CECR2: variants seen among roughly 807,000 people sequenced by gnomAD.
CECR2 encodes the protein CECR2 histone acetyl-lysine reader.
Under a neutral mutation model 154.5 loss-of-function variants are expected in CECR2, and 30 were observed. The ratio of observed to expected loss-of-function variants is 0.19; its 90% confidence interval spans 0.15 to 0.26. CECR2 has a LOEUF of 0.26. Among genes scored for constraint, CECR2 ranks in the 10% least tolerant of loss-of-function variants. CECR2 has a pLI of 1.00. For missense variants in CECR2, 1,743 were observed against 1,829.3 expected, an observed-to-expected ratio of 0.95 and a Z score of 0.86; for synonymous variants, 725 against 683.7, an observed-to-expected ratio of 1.06 and a Z score of -0.94.
chr22:17,382,149 C>A (rs536956514), intron 1 of CECR2, among the ~76,000 whole-genome samples: 4 of 152,096 alleles, frequency 2.6e-5, no homozygotes, highest in Non-Finnish European at 4.4e-5. Context: ...CTTGGCCTCC[C>A]AAAGTGCTGG....
At chr22:17,480,089 C>T (rs1390823486) in intron 2 of CECR2, among the ~76,000 whole-genome samples, 2 of 152,054 alleles carry the variant, frequency 1.3e-5, no homozygotes, top group African/African-American at 4.8e-5. Flanking sequence ...TAATAGAATA[C>T]CGTATCCCTG....
At chr22:17,499,621 C>T (rs2055698862) in intron 4 of CECR2, 72 bp downstream of exon 4, 1 of 1,432,164 alleles carries the variant, frequency 7.0e-7, no homozygotes, top group Admixed American at 2.6e-5. Flanking sequence ...CATCAGAATT[C>T]TACAGCACAA....
chr22:17,488,551 A>G (rs1381438895), intron 2 of CECR2, among the ~76,000 whole-genome samples: 1 of 152,212 alleles, frequency 6.6e-6, no homozygotes, highest in East Asian at 1.9e-4. Context: ...GGGATCACAC[A>G]GTGTGAAATG....
chr22:17,401,022 C>T (rs1046593575), intron 1 of CECR2, among the ~76,000 whole-genome samples: 2 of 152,136 alleles, frequency 1.3e-5, no homozygotes, highest in African/African-American at 4.8e-5. Context: ...CTGCCTTGGC[C>T]TTCCAAAGTG....
intron 2 of CECR2, among the ~76,000 whole-genome samples, chr22:17,480,036 A>G (rs748498000): frequency 3.3e-5 from 5 of 152,074 alleles, no homozygotes; most frequent in Non-Finnish European, 7.4e-5. Context: ...CTGGGATTAC[A>G]GGTGTGAGCC....
At chr22:17,410,248 G>C (rs1247297489) in intron 1 of CECR2, among the ~76,000 whole-genome samples, 1 of 151,892 alleles carries the variant, frequency 6.6e-6, no homozygotes, top group Non-Finnish European at 1.5e-5. Flanking sequence ...CAGAGTGCTG[G>C]GATTACAGAC....
chr22:17,361,574 G>A (rs997070379), intron 1 of CECR2, among the ~76,000 whole-genome samples: 9 of 151,370 alleles, frequency 5.9e-5, no homozygotes, highest in African/African-American at 2.2e-4. Flanking sequence ...AGTATAATCT[G>A]CTAAAAATAT....
chr22:17,378,070 G>GT (rs1174993879), intron 1 of CECR2, among the ~76,000 whole-genome samples: 2 of 151,256 alleles, frequency 1.3e-5, no homozygotes, highest in Non-Finnish European at 3.0e-5. Flanking sequence ...TGCAACCTCC[G>GT]CCCCCCGGGT....
chr22:17,533,035 C>T (rs73159561), intron 9 of CECR2, among the ~76,000 whole-genome samples: 6,783 of 151,698 alleles, frequency 0.045, 339 homozygotes, highest in African/African-American at 0.12. Flanking sequence ...TAGCATGACC[C>T]GGCCAGGCGC....
At chr22:17,472,083 A>G (rs1293385358) in intron 1 of CECR2, among the ~76,000 whole-genome samples, 1 of 152,144 alleles carries the variant, frequency 6.6e-6, no homozygotes, top group Non-Finnish European at 1.5e-5. Flanking sequence ...GTTTGATGCA[A>G]GGCTGAGAGG....
Position 17,510,467 on chromosome 22 carries a change from GA to G in CECR2, c.871-1335del, listed in dbSNP as rs951072776. Among the ~76,000 whole-genome samples, 118 of 135,550 alleles carry G rather than the reference GA, an allele frequency of 8.7e-4. 1 individual carries two copies. The highest frequency in any genetic ancestry group is 1.8e-3 in the African/African-American group (68 of 37,176). The allele number at this position is 135,550 out of a possible 152,430, so 88.9% of individuals were successfully genotyped here. ...CCTCGGCGACAGAACAAGAACCTAT[GA>G]AAAAAAAAAAGAGCTTATAGGTATA... On this transcript the variant is annotated intron_variant, in intron 7 of 18. Transcript: ENST00000262608.
rs695573 is a variant in CECR2, at chr22:17,548,128, C to CTTT, written c.2861-7_2861-5dup. 2.4e-4 allele frequency: 330 copies of CTTT among 1,377,896 alleles called. No individual in the cohort carries two copies. The highest frequency in any genetic ancestry group is 1.0e-3 in the South Asian group (71 of 68,938). The allele number at this position is 1,377,896 out of a possible 1,614,324, so 85.4% of individuals were successfully genotyped here. On this transcript the variant is annotated intron_variant, in intron 16 of 18. Coordinates refer to ENST00000262608, the MANE Select transcript of CECR2 (RefSeq NM_001290047.2). ...CAGCTACTGAGTTATTTTTTCTCCT[C>CTTT]TTTTTTTTTTTTTTTGCAGCAGAGC...
chr22:17,492,123 T>C (rs116299564), intron 2 of CECR2, among the ~76,000 whole-genome samples: 5 of 152,242 alleles, frequency 3.3e-5, no homozygotes, highest in East Asian at 3.8e-4. Context: ...TCAGTACTTA[T>C]GTTAAACGTG....
At chr22:17,378,816 T>C (rs2063151764) in intron 1 of CECR2, among the ~76,000 whole-genome samples, 1 of 152,218 alleles carries the variant, frequency 6.6e-6, no homozygotes. Context: ...TTTTTCCTTG[T>C]GATGGGCATT....
intron 1 of CECR2, among the ~76,000 whole-genome samples, chr22:17,401,390 TACC>T (rs1406162229): frequency 2.0e-5 from 3 of 152,188 alleles, no homozygotes; most frequent in Non-Finnish European, 4.4e-5. Flanking sequence ...GTGAAACCAT[TACC>T]ACGTCAAGAC....
At chr22:17,363,029 T>C (rs1453345975) in intron 1 of CECR2, among the ~76,000 whole-genome samples, 1 of 149,506 alleles carries the variant, frequency 6.7e-6, no homozygotes, top group East Asian at 2.0e-4. Flanking sequence ...CATCCCACTA[T>C]TTTAGCCATT....
chr22:17,548,381 C>T lies in CECR2; in HGVS notation c.3094C>T (p.Pro1032Ser). Reference protein sequence around the residue: ...KNPWPSDSSYPGPAAQGCVRD... With the variant: ...KNPWPSDSSYSGPAAQGCVRD... The stretch of plus-strand genomic sequence containing the variant: ...TCCCTGGCCCTCGGATAGCAGCTAC[C>T]CCGGCCCAGCCGCCCAAGGGTGCGT... The change falls in exon 17 of 19, where the codon CCC (proline) becomes TCC (serine). Residue 1032 changes from proline to serine, a missense_variant. Around this residue, in one of 4 missense-constraint regions of CECR2, gnomAD observed 1,250 missense variants for 1,192.1 expected, o/e 1.05. Transcript: ENST00000262608. 6.2e-7 allele frequency: 1 copy of T among 1,613,482 alleles called. No homozygotes were observed. The highest frequency in any genetic ancestry group is 1.1e-5 in the South Asian group (1 of 90,982).
chr22:17,540,632 T>C lies in CECR2; in HGVS notation c.1716T>C (p.Asn572=), dbSNP rs770216722. 8 of 1,613,698 alleles carry C rather than the reference T, an allele frequency of 5.0e-6. No homozygotes were observed. Among genetic ancestry groups the C allele is most frequent in the Admixed American group, 3.3e-5 (2 of 59,968 alleles). Reference sequence around the variant, plus strand: ...GCAGGAAACAGCAGCCCATGGAGAATGGAGGAAAGTCGTTGCCCCCCACAC... The same window carrying C: ...GCAGGAAACAGCAGCCCATGGAGAACGGAGGAAAGTCGTTGCCCCCCACAC... ...GSSRKQQPME[N]GGKSLPPTRR... Residue 572 remains asparagine, a synonymous_variant, in exon 14 of 19, where the codon AAT becomes AAC. Coordinates refer to ENST00000262608, the MANE Select transcript of CECR2 (RefSeq NM_001290047.2).
At chr22:17,536,496 A>G (rs960046246) in intron 9 of CECR2, among the ~76,000 whole-genome samples, 21 of 152,144 alleles carry the variant, frequency 1.4e-4, no homozygotes, top group Non-Finnish European at 2.8e-4. Context: ...CTCCTTGCCA[A>G]TCCCAGCTGG....
Sources: allele counts gnomAD v4.1 joint callset (sites outside exome capture counted in the v4.1 genomes callset), GRCh38; gene constraint gnomAD v4.1.1; regional missense constraint gnomAD v4.1.1; transcripts MANE v1.5; gene names NCBI Gene and HGNC (gene_info 2026-07-23, HGNC 2026-07-21).